The following SGCZ variants were observed in gnomAD, a reference collection of about 807,000 sequenced individuals.
SGCZ encodes sarcoglycan zeta, also known as zeta-sarcoglycan.
SGCZ carries 40 observed loss-of-function variants against 41.3 expected under a neutral mutation model. That is an observed-to-expected ratio of 0.97 (90% CI 0.75 to 1.26). The LOEUF (loss-of-function observed/expected upper bound fraction) is 1.26. Ranked by LOEUF, SGCZ falls within the 50% of genes most tolerant of loss-of-function variation. The pLI is 0.00. For synonymous variants in SGCZ, 206 were observed against 137.5 expected (o/e 1.50, Z -3.49); for missense variants, 552 against 369.8 (o/e 1.49, Z -4.04).
chr8:14,456,907 C>T (rs78098774), intron 2 of SGCZ, among the ~76,000 whole-genome samples: 1 of 152,074 alleles, frequency 6.6e-6, no homozygotes, highest in African/African-American at 2.4e-5. Context: ...CACACTCTCT[C>T]TCTCTTGCTT....
At chr8:14,662,394 T>C (rs1807782872) in intron 1 of SGCZ, among the ~76,000 whole-genome samples, 1 of 152,204 alleles carries the variant, frequency 6.6e-6, no homozygotes, top group African/African-American at 2.4e-5. Context: ...ACATAAATGC[T>C]ATCAGGAAAA....
chr8:15,015,959 T>C (rs901408170), intron 1 of SGCZ, among the ~76,000 whole-genome samples: 1 of 152,128 alleles, frequency 6.6e-6, no homozygotes, highest in Non-Finnish European at 1.5e-5. Flanking sequence ...ATGTATGGAC[T>C]AATACTATTT....
rs536925213 is a variant in SGCZ, at chr8:14,492,284, T to A, written c.234+62448A>T. 7.9e-5 allele frequency among the ~76,000 whole-genome samples: 12 copies of A among 152,314 alleles called. No individual in the cohort carries two copies. The South Asian group carries it at 2.5e-3, about 32-fold the overall frequency. ...AATAATCTGATTAAATGAATTGGGA[T>A]AATGGGTAAGGATTGGTATAAGCTG... On this transcript the variant is annotated intron_variant, in intron 2 of 7. Transcript: ENST00000382080.
At chr8:14,373,650 G>A (rs1803994886) in intron 2 of SGCZ, among the ~76,000 whole-genome samples, 1 of 152,160 alleles carries the variant, frequency 6.6e-6, no homozygotes, top group Non-Finnish European at 1.5e-5. Flanking sequence ...GACTATATCT[G>A]GTGAATTTGC....
rs73521663 is a variant in SGCZ, at chr8:14,636,227, G to A, written c.40-81301C>T. 2.4e-3 allele frequency among the ~76,000 whole-genome samples: 368 copies of A among 151,912 alleles called. 1 individual carries two copies. The highest frequency in any genetic ancestry group is 8.5e-3 in the African/African-American group (352 of 41,482). On this transcript the variant is annotated intron_variant, in intron 1 of 7. Coordinates refer to ENST00000382080, the MANE Select transcript of SGCZ (RefSeq NM_139167.4). ...AGCTGAATTTTGTTATAGAGAAGCT[G>A]GTAGTGATCTTAAGAATTAATTATT...
At chr8:14,752,010 T>A (rs1253183665) in intron 1 of SGCZ, among the ~76,000 whole-genome samples, 1 of 151,440 alleles carries the variant, frequency 6.6e-6, no homozygotes, top group Non-Finnish European at 1.5e-5. Flanking sequence ...TTGTCAACAT[T>A]GTTGCTACAA....
rs1285251368 is a variant in SGCZ, at chr8:14,164,660, C to G, written c.467G>C (p.Arg156Thr). 2 of 1,613,642 alleles carry G rather than the reference C, an allele frequency of 1.2e-6. No homozygotes were observed. The highest frequency in any genetic ancestry group is 1.7e-5 in the Admixed American group (1 of 59,934). Residue 156 changes from arginine (R) to threonine (T), a missense_variant, in exon 5 of 8, where the codon AGA (arginine) becomes ACA (threonine). Physicochemically the swap from Arg to Thr is moderately conservative, Grantham distance 71. Transcript: ENST00000382080. ...CAGCACCCTGCCATCTTCACTGGCT[C>G]TCACTTCAAATCTTTTACACTGAGC... is the stretch of plus-strand genomic sequence containing the variant. ...VEAQCKRFEV[R>T]ASEDGRVLFS... is the part of the protein sequence containing the mutation.
intron 2 of SGCZ, among the ~76,000 whole-genome samples, chr8:14,445,216 C>G (rs1367124756): frequency 6.6e-6 from 1 of 152,222 alleles, no homozygotes; most frequent in Admixed American, 6.5e-5. Flanking sequence ...AAAACTCCAC[C>G]TTCAAGCCAA....
chr8:14,625,260 G>T (rs992920008), intron 1 of SGCZ, among the ~76,000 whole-genome samples: 2 of 151,968 alleles, frequency 1.3e-5, no homozygotes, highest in Non-Finnish European at 2.9e-5. Context: ...TGCATATTTT[G>T]AAATCTTTAT....
At chr8:14,376,169 G>A (rs1373692740) in intron 2 of SGCZ, among the ~76,000 whole-genome samples, 1 of 151,882 alleles carries the variant, frequency 6.6e-6, no homozygotes, top group Non-Finnish European at 1.5e-5. Context: ...AAATTAGCCG[G>A]GCATGGTGGC....
intron 1 of SGCZ, among the ~76,000 whole-genome samples, chr8:14,794,672 A>G (rs1404109632): frequency 6.6e-6 from 1 of 152,216 alleles, no homozygotes; most frequent in African/African-American, 2.4e-5. Context: ...ACTGAAAGGT[A>G]TAGGGTCCAG....
At chr8:15,220,966 G>A (rs377760792) in intron 1 of SGCZ, among the ~76,000 whole-genome samples, 9 of 152,192 alleles carry the variant, frequency 5.9e-5, no homozygotes, top group South Asian at 2.1e-4. Context: ...TGAACAATGA[G>A]AATACTTGGA....
At chr8:15,121,998 A>G (rs1279946178) in intron 1 of SGCZ, among the ~76,000 whole-genome samples, 1 of 152,088 alleles carries the variant, frequency 6.6e-6, no homozygotes, top group Non-Finnish European at 1.5e-5. Flanking sequence ...GGGATACAAC[A>G]TAAATGTAAT....
At position 14,196,573 on chromosome 8, in the gene SGCZ, C is replaced by G. The variant is rs938855065; in HGVS notation, c.425-31871G>C. 4.6e-5 allele frequency among the ~76,000 whole-genome samples: 7 copies of G among 152,132 alleles called. 1 individual carries two copies. Among genetic ancestry groups the G allele is most frequent in the Non-Finnish European group, 2.9e-5 (2 of 68,020 alleles). ...AGAAATAAAAACCTACGTATATACA[C>G]TAATTTGTACATTGGTGTTTAATGG... On this transcript the variant is annotated intron_variant, in intron 4 of 7. Transcript: ENST00000382080.
intron 5 of SGCZ, among the ~76,000 whole-genome samples, chr8:14,115,044 C>A (rs1802482374): frequency 6.6e-6 from 1 of 151,464 alleles, no homozygotes; most frequent in African/African-American, 2.4e-5. Flanking sequence ...TTCCTACCTC[C>A]AAAAAAAATG....
At chr8:14,216,019 A>G (rs1805982276) in intron 4 of SGCZ, among the ~76,000 whole-genome samples, 1 of 152,236 alleles carries the variant, frequency 6.6e-6, no homozygotes, top group Non-Finnish European at 1.5e-5. Context: ...AGCCTCAACA[A>G]ACCCGCCCTC....
At chr8:14,974,346 T>C (rs372864059) in intron 1 of SGCZ, among the ~76,000 whole-genome samples, 2 of 152,228 alleles carry the variant, frequency 1.3e-5, no homozygotes, top group African/African-American at 4.8e-5. Flanking sequence ...TTTCCTGATA[T>C]GTTTTGACCA....
At chr8:15,050,453 G>C (rs2130992377) in intron 1 of SGCZ, among the ~76,000 whole-genome samples, 1 of 152,266 alleles carries the variant, frequency 6.6e-6, no homozygotes, top group Admixed American at 6.5e-5. Flanking sequence ...TTAGGCATAG[G>C]ATCTATTGGT....
chr8:14,388,363 A>G (rs1020493007), intron 2 of SGCZ, among the ~76,000 whole-genome samples: 1 of 152,150 alleles, frequency 6.6e-6, no homozygotes, highest in Non-Finnish European at 1.5e-5. Flanking sequence ...GAATTGGTCA[A>G]CAATGCCTGT....
Sources: gnomAD v4.1 joint callset for allele counts (sites outside exome capture counted in the v4.1 genomes callset) on GRCh38, gnomAD v4.1.1 for gene constraint, MANE v1.5 for transcripts, NCBI Gene and HGNC (gene_info 2026-07-23, HGNC 2026-07-21) for gene names.